The following CACNA1C variants were observed in gnomAD, a reference collection of about 807,000 sequenced individuals.
CACNA1C encodes the protein calcium voltage-gated channel subunit alpha1 C.
CACNA1C carries 30 observed loss-of-function variants against 229.0 expected under a neutral mutation model. The observed-to-expected ratio is 0.13, with a 90% CI of 0.10 to 0.18. CACNA1C has a LOEUF of 0.18. Among genes scored for constraint, CACNA1C ranks in the 10% least tolerant of loss-of-function variants. CACNA1C has a pLI of 1.00. For missense variants in CACNA1C, 1,658 were observed against 2,845.0 expected, an observed-to-expected ratio of 0.58 and a Z score of 9.49; for synonymous variants, 1,114 against 1,132.5, an observed-to-expected ratio of 0.98 and a Z score of 0.33.
chr12:2,560,389 G>A (rs916430539), intron 11 of CACNA1C, among the ~76,000 whole-genome samples: 1 of 152,206 alleles, frequency 6.6e-6, no homozygotes, highest in Non-Finnish European at 1.5e-5. Flanking sequence ...TTAAAGAACT[G>A]TAAGAATGGA....
intron 3 of CACNA1C, among the ~76,000 whole-genome samples, chr12:2,141,205 AT>A: frequency 6.6e-6 from 1 of 151,180 alleles, no homozygotes; most frequent in Non-Finnish European, 1.5e-5. Flanking sequence ...GTGGGTCAGC[AT>A]GAGGAGTTTG....
In CACNA1C at chr12:2,679,502, C is replaced by T. The variant is rs201492706; in HGVS notation, c.5150C>T (p.Ala1717Val). Reference protein sequence around the residue: ...VSYYQSDGRSAFPQTFTTQRP... With the variant: ...VSYYQSDGRSVFPQTFTTQRP... The stretch of plus-strand genomic sequence containing the variant: ...TACTACCAAAGCGACGGCCGGAGCG[C>T]CTTCCCCCAGACCTTCACCACTCAG... The change falls in exon 42 of 47, where the codon GCC becomes GTC. Residue 1717 changes from alanine to valine, a missense_variant. Ala to Val is a moderately conservative substitution (Grantham distance 64). Transcript: ENST00000399655. This position sits in a 1 kb window ranked among gnomAD's most constrained non-coding sequence, Gnocchi z 5.5. 2.2e-5 allele frequency: 35 copies of T among 1,609,272 alleles called. No individual in the cohort carries two copies. The highest frequency in any genetic ancestry group is 2.8e-5 in the Non-Finnish European group (33 of 1,176,804).
At chr12:2,445,685 G>A (rs533357009) in intron 3 of CACNA1C, among the ~76,000 whole-genome samples, 20 of 152,176 alleles carry the variant, frequency 1.3e-4, no homozygotes, top group Middle Eastern at 3.4e-3. Flanking sequence ...CACACCCCGC[G>A]ACCCATGGCT....
At chr12:2,142,710 C>T (rs929860490) in intron 3 of CACNA1C, among the ~76,000 whole-genome samples, 1 of 151,044 alleles carries the variant, frequency 6.6e-6, no homozygotes, top group South Asian at 2.1e-4. Context: ...TTGATATCGA[C>T]GATCCTGGCC....
At chr12:2,261,320 C>T (rs1338079248) in intron 3 of CACNA1C, among the ~76,000 whole-genome samples, 1 of 151,560 alleles carries the variant, frequency 6.6e-6, no homozygotes, top group Non-Finnish European at 1.5e-5. Flanking sequence ...TTTTGTAAAA[C>T]AAAAAAACAG....
intron 3 of CACNA1C, among the ~76,000 whole-genome samples, chr12:2,245,694 G>A (rs1178584472): frequency 6.6e-6 from 1 of 152,114 alleles, no homozygotes; most frequent in Non-Finnish European, 1.5e-5. Context: ...TTATCCCTTT[G>A]ACAGCAAAAT....
At position 2,608,766 on chromosome 12, in the gene CACNA1C, C is replaced by A. The variant is rs555922419; in HGVS notation, c.3558+54C>A. ...GCGGGGCCCACGGAGGGAATGGCAGCCTGCGGCCCACCCCGCAGAGGGGCT... is the reference window on the plus strand; with the variant it reads ...GCGGGGCCCACGGAGGGAATGGCAGACTGCGGCCCACCCCGCAGAGGGGCT... On this transcript the variant is annotated intron_variant, in intron 27 of 46. Transcript: ENST00000399655. The surrounding 1 kb of genome is among the most constrained non-coding windows in gnomAD (Gnocchi z 4.2). 12 of 1,576,994 alleles carry A rather than the reference C, an allele frequency of 7.6e-6. No homozygotes were observed. The African/African-American group carries it at 1.5e-4, about 19-fold the overall frequency.
chr12:1,993,277 G>C, intron 1 of CACNA1C: 1 of 1,614,118 alleles, frequency 6.2e-7, no homozygotes. Flanking sequence ...TGGCATTTCT[G>C]TAGAGAAGGA....
chr12:2,686,887 TAACCCC>T (rs2153837144), intron 45 of CACNA1C, among the ~76,000 whole-genome samples: 1 of 152,354 alleles, frequency 6.6e-6, no homozygotes, highest in East Asian at 1.9e-4. Flanking sequence ...GCCAGTCTAT[TAACCCC>T]AGGCAAACTG....
intron 3 of CACNA1C, among the ~76,000 whole-genome samples, chr12:2,327,947 G>A (rs2096393221): frequency 6.6e-6 from 1 of 152,152 alleles, no homozygotes; most frequent in Admixed American, 6.6e-5. Flanking sequence ...TTCACCTATG[G>A]CCTGTTCTCC....
chr12:2,297,141 T>C (rs753173908), intron 3 of CACNA1C, among the ~76,000 whole-genome samples: 11 of 152,210 alleles, frequency 7.2e-5, no homozygotes, highest in Non-Finnish European at 1.6e-4. Context: ...TCCGATTGCA[T>C]GAGCAGGCTT....
intron 3 of CACNA1C, chr12:2,288,707 G>A (rs1338802882): frequency 6.6e-6 from 1 of 152,192 alleles, no homozygotes; most frequent in Non-Finnish European, 1.5e-5. Context: ...CAACAGCTAT[G>A]AGGAAGAACA....
chr12:2,187,291 G>C (rs1044551591), intron 3 of CACNA1C, among the ~76,000 whole-genome samples: 2 of 152,240 alleles, frequency 1.3e-5, no homozygotes, highest in Middle Eastern at 3.4e-3. Flanking sequence ...GTCGAGGCTC[G>C]GAGTTCTAAT....
At chr12:1,988,108 A>G (rs1022893724) in intron 1 of CACNA1C, among the ~76,000 whole-genome samples, 3 of 152,312 alleles carry the variant, frequency 2.0e-5, no homozygotes, top group East Asian at 1.9e-4. Context: ...GATGATTTGT[A>G]TATCAGTCAC....
At chr12:2,026,888 T>C (rs1288006585) in intron 1 of CACNA1C, among the ~76,000 whole-genome samples, 1 of 152,216 alleles carries the variant, frequency 6.6e-6, no homozygotes, top group Non-Finnish European at 1.5e-5. Flanking sequence ...GTATACATTC[T>C]TGGAGTACAA....
At chr12:1,984,779 A>T (rs2108632) in intron 1 of CACNA1C, among the ~76,000 whole-genome samples, 25 of 44,614 alleles carry the variant, frequency 5.6e-4, no homozygotes, top group South Asian at 2.4e-3. Flanking sequence ...GTCTTCTGGT[A>T]AAAAAAAAAA....
At chr12:2,329,597 C>G (rs1045559624) in intron 3 of CACNA1C, among the ~76,000 whole-genome samples, 1 of 152,168 alleles carries the variant, frequency 6.6e-6, no homozygotes, top group Admixed American at 6.5e-5. Flanking sequence ...GTCTACCCCC[C>G]AAAAATAATA....
intron 3 of CACNA1C, among the ~76,000 whole-genome samples, chr12:2,257,755 A>G (rs2078538934): frequency 1.3e-5 from 2 of 152,328 alleles, no homozygotes; most frequent in South Asian, 2.1e-4. Flanking sequence ...GAGGTTCCAA[A>G]CTAAGGTTTA....
At chr12:2,015,434 G>A (rs563121310) in intron 1 of CACNA1C, among the ~76,000 whole-genome samples, 1 of 152,342 alleles carries the variant, frequency 6.6e-6, no homozygotes, top group East Asian at 1.9e-4. Flanking sequence ...AAGGTGGGAA[G>A]TGGAGCAAGG....
Sources: allele counts gnomAD v4.1 joint callset (sites outside exome capture counted in the v4.1 genomes callset), GRCh38; gene constraint gnomAD v4.1.1; non-coding constraint Gnocchi (gnomAD v3.1); transcripts MANE v1.5; gene names NCBI Gene and HGNC (gene_info 2026-07-23, HGNC 2026-07-21).